Variants in SMYD3 observed in about 807,000 individuals in gnomAD.
SMYD3 encodes histone-lysine N-methyltransferase SMYD3.
Under a neutral mutation model 57.7 loss-of-function variants are expected in SMYD3, and 36 were observed. The ratio of observed to expected loss-of-function variants is 0.62; its 90% confidence interval spans 0.48 to 0.82. The LOEUF is 0.82. Ranked by LOEUF, SMYD3 falls within the 40% of genes least tolerant of loss-of-function variation. The probability of loss-of-function intolerance (pLI) is 0.00; values close to 1 mark genes in which losing one functional copy is unlikely to be tolerated. For synonymous variants in SMYD3, 211 were observed against 195.0 expected, an observed-to-expected ratio of 1.08 and a Z score of -0.68; for missense variants, 515 against 538.8, an observed-to-expected ratio of 0.96 and a Z score of 0.44.
chr1:246,187,529 A>G (rs997640773), intron 5 of SMYD3, among the ~76,000 whole-genome samples: 6 of 152,306 alleles, frequency 3.9e-5, no homozygotes, highest in African/African-American at 1.4e-4. Context: ...CAGAAAACAC[A>G]GTGGTAAAGC....
At chr1:245,992,533 T>C (rs1226356231) in intron 5 of SMYD3, among the ~76,000 whole-genome samples, 1 of 151,708 alleles carries the variant, frequency 6.6e-6, no homozygotes, top group Non-Finnish European at 1.5e-5. Context: ...CGGCCACTTC[T>C]AGAATGGCGG....
At chr1:246,319,590 CAG>C (rs943197828) in intron 5 of SMYD3, among the ~76,000 whole-genome samples, 1 of 152,136 alleles carries the variant, frequency 6.6e-6, no homozygotes, top group African/African-American at 2.4e-5. Context: ...TGAAACCCAA[CAG>C]AGCTCATCAA....
intron 10 of SMYD3, among the ~76,000 whole-genome samples, chr1:245,817,190 C>G (rs1429068524): frequency 5.4e-5 from 8 of 148,698 alleles, no homozygotes; most frequent in Non-Finnish European, 1.0e-4. Flanking sequence ...CAGCACGCAG[C>G]TGGAGATCTG....
At chr1:246,277,198 A>G (rs1477769956) in intron 5 of SMYD3, among the ~76,000 whole-genome samples, 1 of 149,826 alleles carries the variant, frequency 6.7e-6, no homozygotes, top group Non-Finnish European at 1.5e-5. Flanking sequence ...CCTTGTTTCA[A>G]AAAAAAAAAG....
At chr1:245,894,794 A>G (rs1178417668) in intron 8 of SMYD3, among the ~76,000 whole-genome samples, 2 of 152,184 alleles carry the variant, frequency 1.3e-5, no homozygotes, top group East Asian at 1.9e-4. Context: ...CCCTCAATCT[A>G]TCCTCTGAGC....
intron 5 of SMYD3, among the ~76,000 whole-genome samples, chr1:245,959,444 G>A (rs2057943062): frequency 2.0e-5 from 3 of 152,212 alleles, no homozygotes; most frequent in South Asian, 4.1e-4. Flanking sequence ...CCTGGGTTCT[G>A]GCTCTGACTT....
Position 246,394,195 on chromosome 1 carries a change from A to G in SMYD3, c.165-39101T>C, listed in dbSNP as rs541491095. ...CCTAAAATATTAGGCAAACTAACTCATATATAGCACAGCTATGTAGTATGT... is the reference window on the plus strand; with the variant it reads ...CCTAAAATATTAGGCAAACTAACTCGTATATAGCACAGCTATGTAGTATGT... On this transcript the variant is annotated intron_variant, in intron 1 of 11. Transcript: ENST00000490107. Among the ~76,000 whole-genome samples, 73 of 152,372 alleles carry G rather than the reference A, an allele frequency of 4.8e-4. 1 individual carries two copies. Among genetic ancestry groups the G allele is most frequent in the African/African-American group, 1.7e-3 (72 of 41,592 alleles).
chr1:245,871,590 C>T (rs1297502483), intron 8 of SMYD3, among the ~76,000 whole-genome samples: 3 of 152,158 alleles, frequency 2.0e-5, no homozygotes, highest in Admixed American at 1.3e-4. Context: ...ATGTACACAA[C>T]GATTAACAGA....
intron 1 of SMYD3, among the ~76,000 whole-genome samples, chr1:246,393,431 C>A (rs2148771968): frequency 6.6e-6 from 1 of 152,204 alleles, no homozygotes; most frequent in Admixed American, 6.5e-5. Flanking sequence ...AAAAGGACTT[C>A]ATCTATTTCT....
intron 5 of SMYD3, among the ~76,000 whole-genome samples, chr1:245,932,468 C>T (rs1019565553): frequency 4.6e-5 from 7 of 152,248 alleles, no homozygotes; most frequent in East Asian, 3.9e-4. Context: ...ACAACTGGAT[C>T]GTAAAATACT....
At chr1:245,779,583 A>C (rs1451108984) in intron 10 of SMYD3, among the ~76,000 whole-genome samples, 1 of 152,216 alleles carries the variant, frequency 6.6e-6, no homozygotes, top group African/African-American at 2.4e-5. Flanking sequence ...CAAATTACTC[A>C]AATTACTCAA....
chr1:245,988,461 T>C (rs1258737814), intron 5 of SMYD3: 4 of 151,702 alleles, frequency 2.6e-5, no homozygotes, highest in African/African-American at 9.7e-5. Flanking sequence ...ATGTGGCTGA[T>C]GGTGCTCATA....
At chr1:245,749,749 G>T in intron 11 of SMYD3, 85 bp from the exon 12 acceptor site, 1 of 1,043,850 alleles carries the variant, frequency 9.6e-7, no homozygotes, top group Non-Finnish European at 1.5e-6. Flanking sequence ...GATGCCAGGG[G>T]CCTGGTGAAC....
intron 10 of SMYD3, among the ~76,000 whole-genome samples, chr1:245,784,867 G>C (rs1158923232): frequency 2.3e-5 from 1 of 42,560 alleles, no homozygotes; most frequent in African/African-American, 1.2e-4. Flanking sequence ...TTTTTTTTTT[G>C]AGATGGAGTC....
intron 5 of SMYD3, among the ~76,000 whole-genome samples, chr1:245,959,067 C>A (rs1016574336): frequency 6.6e-6 from 1 of 152,142 alleles, no homozygotes; most frequent in Non-Finnish European, 1.5e-5. Flanking sequence ...GCCACCATGT[C>A]CAGCTAATTT....
intron 1 of SMYD3, among the ~76,000 whole-genome samples, chr1:246,361,295 T>A (rs750605566): frequency 3.9e-5 from 6 of 152,058 alleles, no homozygotes; most frequent in Admixed American, 6.5e-5. Context: ...ATCAAAAAAA[T>A]AATCGACGTA....
intron 3 of SMYD3, 62 bp from the exon 4 acceptor site, chr1:246,330,599 A>AAGTTTG (rs1487216583): frequency 2.9e-6 from 4 of 1,396,450 alleles, no homozygotes; most frequent in Non-Finnish European, 3.9e-6. Context: ...ATAAACAAAT[A>AAGTTTG]AGTTTGAGTA....
intron 5 of SMYD3, among the ~76,000 whole-genome samples, chr1:246,114,112 T>G (rs1337807645): frequency 1.3e-5 from 2 of 150,508 alleles, no homozygotes; most frequent in Non-Finnish European, 2.9e-5. Context: ...AGAAAAGCAC[T>G]AATTTCAGAT....
intron 1 of SMYD3, among the ~76,000 whole-genome samples, chr1:246,459,724 C>A (rs1288765581): frequency 6.6e-6 from 1 of 152,086 alleles, no homozygotes; most frequent in Non-Finnish European, 1.5e-5. Flanking sequence ...TTATCTGAAA[C>A]CAGTGACTTG....
Sources: allele counts gnomAD v4.1 joint callset (sites outside exome capture counted in the v4.1 genomes callset), GRCh38; gene constraint gnomAD v4.1.1; transcripts MANE v1.5; gene names NCBI Gene and HGNC (gene_info 2026-07-23, HGNC 2026-07-21).